The following DACH1 variants were observed in gnomAD, a reference collection of about 807,000 sequenced individuals.
DACH1 encodes dachshund homolog 1.
In DACH1, 12 loss-of-function variants were observed where a neutral mutation model predicts 54.2. The observed-to-expected ratio is 0.22, with a 90% CI of 0.14 to 0.36. The LOEUF (loss-of-function observed/expected upper bound fraction) is 0.36, where lower values mean the gene tolerates loss of function less well. Ranked by LOEUF, DACH1 falls within the 10% of genes least tolerant of loss-of-function variation. The pLI, the probability that DACH1 is intolerant of heterozygous loss-of-function variation, is 1.00. For missense variants in DACH1, 805 were observed against 929.8 expected, an observed-to-expected ratio of 0.87 and a Z score of 1.75; for synonymous variants, 386 against 366.2, an observed-to-expected ratio of 1.05 and a Z score of -0.62.
chr13:71,750,313 C>T (rs2041848), intron 1 of DACH1, among the ~76,000 whole-genome samples: 23,860 of 152,050 alleles, frequency 0.16, 3,716 homozygotes, highest in African/African-American at 0.4. Context: ...TTGAATTGTT[C>T]CCTAATCCTT....
intron 1 of DACH1, among the ~76,000 whole-genome samples, chr13:71,798,275 C>G (rs886430885): frequency 2.8e-5 from 4 of 143,074 alleles, no homozygotes; most frequent in African/African-American, 1.0e-4. Context: ...TTTCCGGCAT[C>G]AAGCAAATGA....
intron 10 of DACH1, among the ~76,000 whole-genome samples, chr13:71,448,325 C>A (rs1874655871): frequency 6.6e-6 from 1 of 152,124 alleles, no homozygotes; most frequent in Non-Finnish European, 1.5e-5. Flanking sequence ...CCGTGTGTGT[C>A]TCTCAACATA....
chr13:71,744,842 C>A (rs887648293), intron 1 of DACH1, among the ~76,000 whole-genome samples: 1 of 152,132 alleles, frequency 6.6e-6, no homozygotes, highest in Non-Finnish European at 1.5e-5. Flanking sequence ...TTAGCAAACT[C>A]TAGAATTTTT....
At chr13:71,498,489 A>T (rs972453749) in intron 6 of DACH1, among the ~76,000 whole-genome samples, 1 of 152,176 alleles carries the variant, frequency 6.6e-6, no homozygotes, top group Non-Finnish European at 1.5e-5. Flanking sequence ...AATTTCACAG[A>T]CATTATCTTG....
chr13:71,563,568 C>T (rs1884724845), intron 4 of DACH1, among the ~76,000 whole-genome samples: 1 of 151,784 alleles, frequency 6.6e-6, no homozygotes, highest in African/African-American at 2.4e-5. Flanking sequence ...ACTTAAATGT[C>T]AAAGTTGTCT....
chr13:71,637,627 T>G (rs1211083962), intron 2 of DACH1, among the ~76,000 whole-genome samples: 1 of 152,172 alleles, frequency 6.6e-6, no homozygotes, highest in Non-Finnish European at 1.5e-5. Context: ...ATATATCTTT[T>G]GGAAGAGATG....
intron 1 of DACH1, among the ~76,000 whole-genome samples, chr13:71,718,546 A>G (rs2138796245): frequency 6.7e-6 from 1 of 148,156 alleles, no homozygotes; most frequent in South Asian, 2.2e-4. Flanking sequence ...ACTGCACACC[A>G]TCCCGGATGA....
At chr13:71,703,188 C>A (rs1882244996) in intron 1 of DACH1, among the ~76,000 whole-genome samples, 1 of 152,222 alleles carries the variant, frequency 6.6e-6, no homozygotes, top group African/African-American at 2.4e-5. Flanking sequence ...TCACAATTAG[C>A]TATTCCCTTC....
intron 10 of DACH1, among the ~76,000 whole-genome samples, chr13:71,460,133 T>G (rs1875944971): frequency 6.6e-6 from 1 of 152,070 alleles, no homozygotes; most frequent in African/African-American, 2.4e-5. Context: ...GAGATCCAAG[T>G]AGGCAATTAC....
chr13:71,716,322 C>T (rs1399183119), intron 1 of DACH1, among the ~76,000 whole-genome samples: 1 of 152,098 alleles, frequency 6.6e-6, no homozygotes, highest in African/African-American at 2.4e-5. Flanking sequence ...CATTATAGCA[C>T]ATTCAGTGCC....
rs75817985 is a variant in DACH1 at position 71,670,023 on chromosome 13, C to CAA, written c.964+11770_964+11771dup. Among the ~76,000 whole-genome samples the CAA allele has an allele frequency of 4.7e-3, 537 of 113,578 alleles. 2 individuals are homozygous for CAA. The highest frequency in any genetic ancestry group is 0.015 in the African/African-American group (472 of 31,990). 74.5% of individuals were successfully genotyped at this position (113,578 alleles called of 152,430 possible). A position where few individuals can be genotyped will look rare whatever the true frequency, so the allele number is the denominator to read the frequency against. ...CCTACTCATTGTATCCTAAATTAGC[C>CAA]AAAAAAAAAAAAAAAGTCCATGGTA... On this transcript the variant is annotated intron_variant, in intron 2 of 10. Coordinates refer to ENST00000613252, the MANE Select transcript of DACH1 (RefSeq NM_080759.6).
intron 2 of DACH1, among the ~76,000 whole-genome samples, chr13:71,635,953 G>T (rs1877459825): frequency 6.6e-6 from 1 of 151,736 alleles, no homozygotes. Flanking sequence ...GCTAATTTTT[G>T]GGGTATTTTT....
At chr13:71,661,010 TATAGAAAAA>T (rs1297436039) in intron 2 of DACH1, among the ~76,000 whole-genome samples, 4 of 149,340 alleles carry the variant, frequency 2.7e-5, no homozygotes, top group African/African-American at 7.3e-5. Flanking sequence ...ATAACATTGT[TATAGAAAAA>T]GATTGTTATA....
chr13:71,837,167 A>C (rs1245882828), intron 1 of DACH1, among the ~76,000 whole-genome samples: 1 of 152,070 alleles, frequency 6.6e-6, no homozygotes, highest in Non-Finnish European at 1.5e-5. Flanking sequence ...ATTTAAGGTA[A>C]TATTAAGTAA....
chr13:71,489,123 G>C lies in DACH1; in HGVS notation c.1596C>G (p.Thr532=), dbSNP rs757570915. 1.2e-6 allele frequency: 2 copies of C among 1,613,394 alleles called. No individual in the cohort carries two copies. Among genetic ancestry groups the C allele is most frequent in the African/African-American group, 2.7e-5 (2 of 74,860 alleles). The change falls in exon 7 of 11, where the codon ACC becomes ACG. Residue 532 remains threonine, a synonymous_variant. Coordinates refer to ENST00000613252, the MANE Select transcript of DACH1 (RefSeq NM_080759.6). The stretch of plus-strand genomic sequence containing the variant: ...AGAGTTTGTCAAGGCTGTCTCTTGC[G>C]GTTGGTGTAGAAAGCGGGGTCTCAT... ...EKDETPLSTP[T]ARDSLDKLSL... is the part of the protein sequence containing the mutation.
At chr13:71,559,610 A>G (rs573043897) in intron 5 of DACH1, among the ~76,000 whole-genome samples, 1 of 152,232 alleles carries the variant, frequency 6.6e-6, no homozygotes, top group South Asian at 2.1e-4. Context: ...GGCATCAAAG[A>G]GAGGAAATTT....
intron 1 of DACH1, among the ~76,000 whole-genome samples, chr13:71,820,327 T>C (rs1888135989): frequency 6.6e-6 from 1 of 152,028 alleles, no homozygotes; most frequent in African/African-American, 2.4e-5. Flanking sequence ...AGGACAGGCA[T>C]GGTCTTCTGC....
intron 1 of DACH1, among the ~76,000 whole-genome samples, chr13:71,753,939 T>C (rs1008806529): frequency 1.3e-5 from 2 of 152,188 alleles, no homozygotes; most frequent in Non-Finnish European, 2.9e-5. Context: ...TGTTTTATTG[T>C]TTCAAAATAT....
chr13:71,573,333 T>A, intron 3 of DACH1: 2 of 680,126 alleles, frequency 2.9e-6, no homozygotes, highest in Non-Finnish European at 2.7e-6. Flanking sequence ...ATATAGTATA[T>A]CTCTTTATTA....
Sources: gnomAD v4.1 joint callset for allele counts (sites outside exome capture counted in the v4.1 genomes callset) on GRCh38, gnomAD v4.1.1 for gene constraint, MANE v1.5 for transcripts, NCBI Gene and HGNC (gene_info 2026-07-23, HGNC 2026-07-21) for gene names.